Variants in SYT6 observed in about 807,000 individuals in gnomAD.
SYT6 encodes the protein synaptotagmin 6.
SYT6 carries 24 observed loss-of-function variants against 38.4 expected under a neutral mutation model. The observed-to-expected ratio is 0.62, with a 90% CI of 0.45 to 0.88. The LOEUF is 0.88. SYT6 is among the 40% of genes least tolerant of loss of function. The pLI is 0.00. For missense variants in SYT6, 611 were observed against 621.0 expected, an observed-to-expected ratio of 0.98 and a Z score of 0.17; for synonymous variants, 265 against 241.9, an observed-to-expected ratio of 1.10 and a Z score of -0.89.
chr1:114,097,404 C>T (rs937002471), intron 6 of SYT6, among the ~76,000 whole-genome samples: 3 of 152,228 alleles, frequency 2.0e-5, no homozygotes, highest in Non-Finnish European at 4.4e-5. Flanking sequence ...GGGCTTTCTC[C>T]TAAAGGACAG....
At chr1:114,128,313 C>T (rs1200489465) in intron 3 of SYT6, among the ~76,000 whole-genome samples, 2 of 152,186 alleles carry the variant, frequency 1.3e-5, no homozygotes, top group East Asian at 3.9e-4. Context: ...ACTAGGGATA[C>T]TGAGCCTTTC....
At chr1:114,133,165 T>G (rs1678259083) in intron 3 of SYT6, among the ~76,000 whole-genome samples, 1 of 151,656 alleles carries the variant, frequency 6.6e-6, no homozygotes, top group South Asian at 2.1e-4. Flanking sequence ...ACACACTCTA[T>G]CCTAGTCCAA....
chr1:114,150,742 G>C (rs1679401697), intron 1 of SYT6, among the ~76,000 whole-genome samples: 1 of 152,226 alleles, frequency 6.6e-6, no homozygotes, highest in Non-Finnish European at 1.5e-5. Context: ...CACTTGGGGT[G>C]TATTAAGGAG....
intron 6 of SYT6, among the ~76,000 whole-genome samples, chr1:114,095,645 T>G (rs1259898633): frequency 1.3e-5 from 2 of 148,852 alleles, no homozygotes; most frequent in African/African-American, 2.5e-5. Context: ...AAGACCAGAG[T>G]GGGGCAGTGA....
intron 3 of SYT6, among the ~76,000 whole-genome samples, chr1:114,113,733 C>T (rs1676826927): frequency 6.6e-6 from 1 of 152,188 alleles, no homozygotes; most frequent in African/African-American, 2.4e-5. Flanking sequence ...TACCCCCCTG[C>T]CAGCATACAG....
intron 3 of SYT6, among the ~76,000 whole-genome samples, chr1:114,121,794 G>A (rs144207423): frequency 3.0e-4 from 45 of 152,268 alleles, no homozygotes; most frequent in African/African-American, 1.0e-3. Flanking sequence ...ATGAGAACAC[G>A]TCTTTGGAAA....
At chr1:114,112,105 C>T (rs1676720575) in intron 3 of SYT6, among the ~76,000 whole-genome samples, 1 of 152,148 alleles carries the variant, frequency 6.6e-6, no homozygotes. Context: ...GCTTCTCTGC[C>T]CCAAGGGCCT....
intron 3 of SYT6, among the ~76,000 whole-genome samples, chr1:114,124,811 C>T (rs183251879): frequency 1.1e-4 from 17 of 152,290 alleles, no homozygotes; most frequent in African/African-American, 3.4e-4. Flanking sequence ...GGGGAGGGCT[C>T]GGAGCACATG....
chr1:114,152,919 G>A (rs1414788844), intron 1 of SYT6: 9 of 152,358 alleles, frequency 5.9e-5, no homozygotes, highest in Admixed American at 5.9e-4. Flanking sequence ...CCGGCCCCGA[G>A]TCCGAGTCCG....
Position 114,137,841 on chromosome 1 carries a change from T to C in SYT6, c.725A>G (p.Glu242Gly), listed in dbSNP as rs1678581995. 1 of 1,613,840 alleles carries C rather than the reference T, an allele frequency of 6.2e-7. No individual in the cohort carries two copies. The highest frequency in any genetic ancestry group is 1.7e-5 in the Admixed American group (1 of 59,980). ...GATACGCACAATCAGGGTCTCGGTC[T>C]CGTAATCGTAGCGTAGGCTGAAGTT... ...KINFSLRYDY[E>G]TETLIVRILK... Residue 242 changes from glutamate (E) to glycine (G), a missense_variant, in exon 3 of 8, where the codon GAG (glutamate) becomes GGG (glycine). Transcript: ENST00000610222.
chr1:114,144,310 A>T (rs951897584), intron 1 of SYT6, among the ~76,000 whole-genome samples: 32 of 152,230 alleles, frequency 2.1e-4, no homozygotes, highest in Non-Finnish European at 4.4e-5. Flanking sequence ...CAAATGCCTT[A>T]AAAATCTTAC....
At chr1:114,107,731 C>G (rs1247053827) in intron 3 of SYT6, among the ~76,000 whole-genome samples, 1 of 152,216 alleles carries the variant, frequency 6.6e-6, no homozygotes, top group Non-Finnish European at 1.5e-5. Context: ...GAAAGCCAGG[C>G]CCCAGCTCGG....
chr1:114,141,659 G>A (rs1678874102), intron 1 of SYT6, among the ~76,000 whole-genome samples: 1 of 152,208 alleles, frequency 6.6e-6, no homozygotes. Context: ...AGAAGAAATA[G>A]CCTTATATTG....
chr1:114,126,117 G>T (rs1189947087), intron 3 of SYT6, among the ~76,000 whole-genome samples: 1 of 152,134 alleles, frequency 6.6e-6, no homozygotes, highest in Non-Finnish European at 1.5e-5. Context: ...GCATGGGCTG[G>T]GTCTCATGAG....
chr1:114,114,342 G>C (rs563407727), intron 3 of SYT6, among the ~76,000 whole-genome samples: 1 of 152,180 alleles, frequency 6.6e-6, no homozygotes, highest in Admixed American at 6.5e-5. Context: ...TCAGTACTGA[G>C]CACGGTGCCT....
At chr1:114,123,815 G>C (rs1033509661) in intron 3 of SYT6, among the ~76,000 whole-genome samples, 2 of 152,216 alleles carry the variant, frequency 1.3e-5, no homozygotes, top group African/African-American at 4.8e-5. Flanking sequence ...AAACAACACT[G>C]CCTCAGGGTC....
intron 3 of SYT6, among the ~76,000 whole-genome samples, chr1:114,120,771 A>G (rs2101038887): frequency 6.6e-6 from 1 of 152,348 alleles, no homozygotes; most frequent in Non-Finnish European, 1.5e-5. Context: ...GTGACTTGTT[A>G]CCAATATTGT....
chr1:114,132,295 G>A (rs534946668), intron 3 of SYT6, among the ~76,000 whole-genome samples: 1 of 152,322 alleles, frequency 6.6e-6, no homozygotes, highest in South Asian at 2.1e-4. Context: ...GTTGTTGATG[G>A]GGCCTCCCCT....
chr1:114,150,392 G>C (rs1679384641), intron 1 of SYT6, among the ~76,000 whole-genome samples: 1 of 152,056 alleles, frequency 6.6e-6, no homozygotes, highest in Non-Finnish European at 1.5e-5. Flanking sequence ...CATCTCCTTG[G>C]GTTCTAAAGG....
Sources: allele counts gnomAD v4.1 joint callset (sites outside exome capture counted in the v4.1 genomes callset), GRCh38; gene constraint gnomAD v4.1.1; transcripts MANE v1.5; gene names NCBI Gene and HGNC (gene_info 2026-07-23, HGNC 2026-07-21).